The following GRIN2A variants were observed in gnomAD, a reference collection of about 807,000 sequenced individuals.
The protein encoded by GRIN2A is glutamate receptor ionotropic, NMDA 2A.
Under a neutral mutation model 113.4 loss-of-function variants are expected in GRIN2A, and 22 were observed. The observed-to-expected ratio is 0.19, with a 90% CI of 0.14 to 0.28. The LOEUF is 0.28. Among genes scored for constraint, GRIN2A ranks in the 10% least tolerant of loss-of-function variants. The probability of loss-of-function intolerance (pLI) is 1.00; values close to 1 mark genes in which losing one functional copy is unlikely to be tolerated. For synonymous variants in GRIN2A, 827 were observed against 738.4 expected (o/e 1.12, Z -1.94); for missense variants, 1,502 against 1,887.0 (o/e 0.80, Z 3.78).
chr16:9,877,183 G>A (rs1330248195), intron 4 of GRIN2A, among the ~76,000 whole-genome samples: 1 of 152,124 alleles, frequency 6.6e-6, no homozygotes, highest in Non-Finnish European at 1.5e-5. Flanking sequence ...TATGAAATCA[G>A]AGACTCACTT....
chr16:9,878,659 C>T (rs913018074), intron 4 of GRIN2A, among the ~76,000 whole-genome samples: 3 of 152,168 alleles, frequency 2.0e-5, no homozygotes, highest in African/African-American at 7.2e-5. Context: ...TCCCTATCAA[C>T]GTATGTTCCC....
intron 3 of GRIN2A, among the ~76,000 whole-genome samples, chr16:9,933,737 TA>T (rs1244508886): frequency 5.3e-5 from 8 of 152,118 alleles, no homozygotes; most frequent in African/African-American, 1.2e-4. Flanking sequence ...TATCTTACTA[TA>T]AAAAAACCTA....
chr16:9,840,832 A>AAAAG, intron 6 of GRIN2A, 32 bp from the exon 7 acceptor site: 3 of 1,229,000 alleles, frequency 2.4e-6, no homozygotes, highest in South Asian at 2.9e-5. Context: ...AAAAAAAAAA[A>AAAAG]AGAGAGAGAG....
chr16:10,105,995 C>T (rs1188590431), intron 2 of GRIN2A, among the ~76,000 whole-genome samples: 2 of 152,150 alleles, frequency 1.3e-5, no homozygotes, highest in Non-Finnish European at 2.9e-5. Flanking sequence ...TACATGCATA[C>T]ATGTGTATAG....
At chr16:10,081,508 AT>A (rs2047982476) in intron 2 of GRIN2A, among the ~76,000 whole-genome samples, 1 of 152,158 alleles carries the variant, frequency 6.6e-6, no homozygotes, top group Admixed American at 6.6e-5. Context: ...AATGCTCTAA[AT>A]TTTTTCTGAT....
intron 2 of GRIN2A, among the ~76,000 whole-genome samples, chr16:9,940,131 G>A (rs2044835681): frequency 6.6e-6 from 1 of 150,494 alleles, no homozygotes; most frequent in Non-Finnish European, 1.5e-5. Context: ...ATACTTTGTA[G>A]CTGTGCATGT....
intron 3 of GRIN2A, among the ~76,000 whole-genome samples, chr16:9,929,778 G>T (rs557243661): frequency 6.6e-6 from 1 of 152,198 alleles, no homozygotes; most frequent in Non-Finnish European, 1.5e-5. Context: ...GGAGGAAATA[G>T]ATCAATGTGC....
intron 11 of GRIN2A, among the ~76,000 whole-genome samples, chr16:9,784,293 G>C (rs545357276): frequency 6.6e-6 from 1 of 152,108 alleles, no homozygotes; most frequent in African/African-American, 2.4e-5. Flanking sequence ...AGCCAGGCGT[G>C]GTGGTGGGTG....
chr16:9,989,965 G>C (rs1224301904), intron 2 of GRIN2A, among the ~76,000 whole-genome samples: 1 of 152,202 alleles, frequency 6.6e-6, no homozygotes, highest in Non-Finnish European at 1.5e-5. Context: ...CCAGTGGAAA[G>C]TAGTTTGGAG....
intron 2 of GRIN2A, among the ~76,000 whole-genome samples, chr16:10,176,965 G>A (rs1162368435): frequency 6.6e-6 from 1 of 152,202 alleles, no homozygotes; most frequent in East Asian, 1.9e-4. Context: ...CAATGTAGAA[G>A]TAAATATAAC....
intron 4 of GRIN2A, among the ~76,000 whole-genome samples, chr16:9,876,049 A>AC (rs2043359257): frequency 6.6e-6 from 1 of 151,800 alleles, no homozygotes; most frequent in Non-Finnish European, 1.5e-5. Context: ...CAGGCTCTAA[A>AC]CCCCCTCATG....
At position 10,131,485 on chromosome 16, in the gene GRIN2A, T is replaced by A. The variant is rs199541085; in HGVS notation, c.414+48513A>T. Among the ~76,000 whole-genome samples the A allele has an allele frequency of 1.3e-4, 20 of 150,050 alleles. No homozygotes were observed. The East Asian group carries it at 3.0e-3, about 22-fold the overall frequency. The stretch of plus-strand genomic sequence containing the variant: ...CCACTTATCCCATTTTTTTTTTTTT[T>A]AATGCTCAGGGTATAACAATAAATA... On this transcript the variant is annotated intron_variant, in intron 2 of 12. Transcript: ENST00000330684.
chr16:10,117,456 A>G (rs967758271), intron 2 of GRIN2A, among the ~76,000 whole-genome samples: 1 of 152,222 alleles, frequency 6.6e-6, no homozygotes, highest in African/African-American at 2.4e-5. Context: ...TAGGAGAGTT[A>G]TCTCTGCTTA....
intron 10 of GRIN2A, among the ~76,000 whole-genome samples, chr16:9,818,006 A>G (rs960751431): frequency 2.0e-5 from 3 of 152,130 alleles, no homozygotes; most frequent in Admixed American, 1.3e-4. Context: ...TGGTCGTGGT[A>G]AAGGACGAGA....
intron 2 of GRIN2A, among the ~76,000 whole-genome samples, chr16:9,976,456 C>A (rs893402502): frequency 1.3e-5 from 2 of 152,140 alleles, no homozygotes; most frequent in African/African-American, 2.4e-5. Context: ...CTTTGTTGAA[C>A]GTTCCTTCCT....
At chr16:9,831,441 T>C (rs1187389772) in intron 8 of GRIN2A, among the ~76,000 whole-genome samples, 1 of 151,474 alleles carries the variant, frequency 6.6e-6, no homozygotes, top group African/African-American at 2.4e-5. Flanking sequence ...CTGGATAGAG[T>C]AGCCCCAGTG....
At chr16:9,894,532 C>T (rs2043764262) in intron 3 of GRIN2A, among the ~76,000 whole-genome samples, 1 of 152,270 alleles carries the variant, frequency 6.6e-6, no homozygotes, top group South Asian at 2.1e-4. Context: ...GGTCCAGATA[C>T]ACACAGCTAG....
chr16:9,935,153 A>G (rs1403787446), intron 3 of GRIN2A, among the ~76,000 whole-genome samples: 2 of 152,160 alleles, frequency 1.3e-5, no homozygotes, highest in Non-Finnish European at 2.9e-5. Flanking sequence ...TGTATATGTT[A>G]TATTTCAATT....
At chr16:9,893,495 C>T (rs1022806651) in intron 3 of GRIN2A, among the ~76,000 whole-genome samples, 2 of 152,084 alleles carry the variant, frequency 1.3e-5, no homozygotes, top group Non-Finnish European at 2.9e-5. Flanking sequence ...AAGACGGAGT[C>T]TCACTCTGTA....
Sources: allele counts gnomAD v4.1 joint callset (sites outside exome capture counted in the v4.1 genomes callset), GRCh38; gene constraint gnomAD v4.1.1; transcripts MANE v1.5; gene names NCBI Gene and HGNC (gene_info 2026-07-23, HGNC 2026-07-21).